MAF: variants seen among roughly 807,000 people sequenced by gnomAD.
The protein encoded by MAF is transcription factor Maf.
Under a neutral mutation model 22.0 loss-of-function variants are expected in MAF, and 10 were observed. That is an observed-to-expected ratio of 0.45 (90% CI 0.28 to 0.77). The LOEUF (loss-of-function observed/expected upper bound fraction) is 0.77, where lower values mean the gene tolerates loss of function less well. Among genes scored for constraint, MAF ranks in the 30% least tolerant of loss-of-function variants. The pLI is 0.12. For synonymous variants in MAF, 337 were observed against 255.8 expected (o/e 1.32, Z -3.03); for missense variants, 544 against 548.4 (o/e 0.99, Z 0.08).
chr16:79,458,414 G>C, the MAF span, among the ~76,000 whole-genome samples: 1,853 of 152,224 alleles, frequency 0.012, 42 homozygotes, highest in African/African-American at 0.042. Context: ...CTCAGAGACA[G>C]AGTGTTTTTA....
At chr16:79,251,989 T>C in the MAF span, among the ~76,000 whole-genome samples, 1 of 152,260 alleles carries the variant, frequency 6.6e-6, no homozygotes, top group East Asian at 1.9e-4. Flanking sequence ...AATGAGTTAT[T>C]CTGGTGTAAG....
At chr16:79,354,709 C>T in the MAF span, among the ~76,000 whole-genome samples, 1 of 152,202 alleles carries the variant, frequency 6.6e-6, no homozygotes, top group African/African-American at 2.4e-5. Context: ...CAGGACAAAA[C>T]AGTTCTCCTT....
At chr16:79,369,308 T>C in the MAF span, among the ~76,000 whole-genome samples, 1 of 152,170 alleles carries the variant, frequency 6.6e-6, no homozygotes, top group Non-Finnish European at 1.5e-5. Context: ...GGGATCCCTG[T>C]CCGCAAGGAA....
the MAF span, among the ~76,000 whole-genome samples, chr16:79,402,454 G>A: frequency 6.6e-6 from 1 of 152,192 alleles, no homozygotes; most frequent in South Asian, 2.1e-4. Flanking sequence ...TTCTTCCAGG[G>A]GCCTCTCACA....
chr16:79,272,931 A>T, the MAF span, among the ~76,000 whole-genome samples: 249 of 152,268 alleles, frequency 1.6e-3, 1 homozygote, highest in East Asian at 0.035. Flanking sequence ...AACTTAGAAG[A>T]GTTTATTTTG....
chr16:79,593,118 G>C (rs143123979), downstream of MAF, among the ~76,000 whole-genome samples: 48 of 152,290 alleles, frequency 3.2e-4, no homozygotes, highest in African/African-American at 1.1e-3. Flanking sequence ...AAGAGAGAGA[G>C]AGAGACTTAT....
chr16:79,521,018 G>C, the MAF span, among the ~76,000 whole-genome samples: 2 of 152,166 alleles, frequency 1.3e-5, no homozygotes, highest in Non-Finnish European at 2.9e-5. Flanking sequence ...AGTAATGCTG[G>C]AGCCTGGCTA....
the MAF span, among the ~76,000 whole-genome samples, chr16:79,254,228 C>G: frequency 6.6e-6 from 1 of 152,018 alleles, no homozygotes; most frequent in Non-Finnish European, 1.5e-5. Context: ...TTGACATACT[C>G]CTGTGGTTAG....
chr16:79,438,609 G>A, the MAF span, among the ~76,000 whole-genome samples: 2 of 152,100 alleles, frequency 1.3e-5, no homozygotes, highest in Non-Finnish European at 2.9e-5. Context: ...CCATTTCACA[G>A]AGGAGGGAAG....
At chr16:79,326,539 C>A in the MAF span, among the ~76,000 whole-genome samples, 2 of 152,196 alleles carry the variant, frequency 1.3e-5, no homozygotes, top group Non-Finnish European at 2.9e-5. Flanking sequence ...ATTTTCTACA[C>A]CCTAAATTAG....
the MAF span, among the ~76,000 whole-genome samples, chr16:79,261,855 G>A: frequency 6.6e-6 from 1 of 152,236 alleles, no homozygotes; most frequent in African/African-American, 2.4e-5. Context: ...GGGGGTGGAG[G>A]TTAGTGGAAG....
At chr16:79,557,474 A>G in the MAF span, among the ~76,000 whole-genome samples, 9 of 152,062 alleles carry the variant, frequency 5.9e-5, no homozygotes, top group Non-Finnish European at 1.3e-4. Context: ...GAGCACAAAG[A>G]AACTAAGATT....
At chr16:79,503,784 G>T in the MAF span, among the ~76,000 whole-genome samples, 1 of 152,174 alleles carries the variant, frequency 6.6e-6, no homozygotes, top group Non-Finnish European at 1.5e-5. Flanking sequence ...CTTGGTCCGT[G>T]TTTCTGCCTT....
At chr16:79,509,573 T>C in the MAF span, among the ~76,000 whole-genome samples, 1 of 152,172 alleles carries the variant, frequency 6.6e-6, no homozygotes, top group African/African-American at 2.4e-5. Flanking sequence ...CGCCTTCCCA[T>C]TCCTGGCTGG....
At chr16:79,438,106 C>T in the MAF span, among the ~76,000 whole-genome samples, 2 of 151,766 alleles carry the variant, frequency 1.3e-5, no homozygotes, top group Non-Finnish European at 2.9e-5. Context: ...GCAGAGGCCC[C>T]GTGGCGTTGG....
the MAF span, among the ~76,000 whole-genome samples, chr16:79,471,765 G>A: frequency 6.6e-6 from 1 of 152,204 alleles, no homozygotes; most frequent in Non-Finnish European, 1.5e-5. Flanking sequence ...CAGCTGATAA[G>A]TGGTCATGTC....
chr16:79,523,366 A>C, the MAF span, among the ~76,000 whole-genome samples: 1 of 152,228 alleles, frequency 6.6e-6, no homozygotes, highest in South Asian at 2.1e-4. Context: ...GTACTAGACC[A>C]GACTTCAGTA....
the MAF span, among the ~76,000 whole-genome samples, chr16:79,571,298 TTC>T: frequency 6.6e-6 from 1 of 152,064 alleles, no homozygotes; most frequent in Admixed American, 6.6e-5. Flanking sequence ...GGCTTCCAAC[TTC>T]TCTTTTACAT....
At chr16:79,454,558 C>A in the MAF span, among the ~76,000 whole-genome samples, 6 of 152,156 alleles carry the variant, frequency 3.9e-5, no homozygotes, top group Non-Finnish European at 8.8e-5. Flanking sequence ...AAGAATTATC[C>A]CTTCCTACTA....
Sources: allele counts gnomAD v4.1 joint callset (sites outside exome capture counted in the v4.1 genomes callset), GRCh38; gene constraint gnomAD v4.1.1; transcripts MANE v1.5; gene names NCBI Gene and HGNC (gene_info 2026-07-23, HGNC 2026-07-21).